FGGY: variants seen among roughly 807,000 people sequenced by gnomAD.
FGGY encodes the protein FGGY carbohydrate kinase domain containing.
A neutral mutation model predicts 71.3 loss-of-function variants in FGGY; 72 were observed. The observed-to-expected ratio is 1.01, with a 90% CI of 0.84 to 1.23. FGGY has a LOEUF of 1.23. Ranked by LOEUF, FGGY falls within the 50% of genes most tolerant of loss-of-function variation. FGGY has a pLI of 0.00. For missense variants in FGGY, 668 were observed against 682.3 expected, an observed-to-expected ratio of 0.98 and a Z score of 0.23; for synonymous variants, 251 against 250.3, an observed-to-expected ratio of 1.00 and a Z score of -0.02.
chr1:59,540,844 G>T (rs2095428801), intron 7 of FGGY, among the ~76,000 whole-genome samples: 1 of 152,106 alleles, frequency 6.6e-6, no homozygotes. Context: ...GTCAGGGTGT[G>T]TCACTTTATA....
At chr1:59,655,424 C>T (rs1337171538) in intron 11 of FGGY, among the ~76,000 whole-genome samples, 1 of 151,954 alleles carries the variant, frequency 6.6e-6, no homozygotes, top group Non-Finnish European at 1.5e-5. Flanking sequence ...GCTCTCCCTC[C>T]CCTCCACCCC....
intron 8 of FGGY, among the ~76,000 whole-genome samples, chr1:59,602,238 A>G (rs548747674): frequency 1.3e-5 from 2 of 152,334 alleles, no homozygotes; most frequent in South Asian, 4.1e-4. Flanking sequence ...TCTTCTATTT[A>G]CTAGCTATTT....
rs781713848 is a variant in FGGY at position 59,524,206 on chromosome 1, G to A, written c.799+11767G>A. Among the ~76,000 whole-genome samples, 22 of 152,334 alleles carry A rather than the reference G, an allele frequency of 1.4e-4. 1 individual carries two copies. The highest frequency in any genetic ancestry group is 6.8e-3 in the Middle Eastern group (2 of 294). ...CCAGCCAGGTGTACATGCACTTGAG[G>A]TGGTGCTGACACGCTAGCCTCCTGC... On this transcript the variant is annotated intron_variant, in intron 7 of 15. Coordinates refer to ENST00000303721, the MANE Select transcript of FGGY (RefSeq NM_018291.5).
intron 14 of FGGY, among the ~76,000 whole-genome samples, chr1:59,742,653 C>T (rs572385380): frequency 2.2e-4 from 33 of 152,346 alleles, no homozygotes; most frequent in Middle Eastern, 3.4e-3. Context: ...TCTGAACCCA[C>T]CATCTCCACC....
chr1:59,326,834 T>G (rs2047524242), intron 2 of FGGY, among the ~76,000 whole-genome samples: 1 of 152,156 alleles, frequency 6.6e-6, no homozygotes, highest in South Asian at 2.1e-4. Flanking sequence ...AACACCATAA[T>G]GAGGTGAATA....
intron 8 of FGGY, among the ~76,000 whole-genome samples, chr1:59,582,091 G>GA (rs1013784779): frequency 2.0e-5 from 3 of 148,496 alleles, no homozygotes; most frequent in Admixed American, 6.6e-5. Flanking sequence ...CTCTTAAAAA[G>GA]AAAAAAAAGC....
In FGGY at chr1:59,466,996, TA is replaced by T. The variant is rs57573793; in HGVS notation, c.670+9921del. On this transcript the variant is annotated intron_variant, in intron 6 of 15. Coordinates refer to ENST00000303721, the MANE Select transcript of FGGY (RefSeq NM_018291.5). ...ATACCATTTGACCCAGCGATTCCAT[TA>T]CTGGGTATATACCCACGGATTATAC... Among the ~76,000 whole-genome samples the T allele has an allele frequency of 5.9e-3, 899 of 152,286 alleles. 10 individuals carry two copies. Among genetic ancestry groups the T allele is most frequent in the African/African-American group, 0.021 (870 of 41,560 alleles).
chr1:59,432,322 T>C (rs1168455609), intron 5 of FGGY, among the ~76,000 whole-genome samples: 2 of 152,208 alleles, frequency 1.3e-5, no homozygotes, highest in Non-Finnish European at 2.9e-5. Context: ...TGAGCCATTA[T>C]AGCAAATTAT....
intron 14 of FGGY, among the ~76,000 whole-genome samples, chr1:59,685,808 G>A (rs752364754): frequency 6.6e-6 from 1 of 152,178 alleles, no homozygotes; most frequent in Non-Finnish European, 1.5e-5. Context: ...AGGCTGGAGC[G>A]CAGTGACATA....
intron 5 of FGGY, among the ~76,000 whole-genome samples, chr1:59,438,375 C>A (rs2068983068): frequency 1.3e-5 from 2 of 152,176 alleles, no homozygotes; most frequent in Non-Finnish European, 2.9e-5. Context: ...TTCTTTGTTT[C>A]AATATACAAC....
intron 2 of FGGY, among the ~76,000 whole-genome samples, chr1:59,338,629 T>C (rs530711056): frequency 4.9e-4 from 75 of 152,278 alleles, no homozygotes; most frequent in African/African-American, 1.7e-3. Flanking sequence ...AAGAGGATTT[T>C]TTGACTTCAC....
At chr1:59,600,226 G>A (rs1228473122) in intron 8 of FGGY, among the ~76,000 whole-genome samples, 2 of 152,154 alleles carry the variant, frequency 1.3e-5, no homozygotes, top group East Asian at 3.9e-4. Flanking sequence ...ATTTGACAGA[G>A]CACCGTGACC....
At chr1:59,392,217 G>A (rs1021056237) in intron 5 of FGGY, among the ~76,000 whole-genome samples, 8 of 152,070 alleles carry the variant, frequency 5.3e-5, no homozygotes, top group African/African-American at 1.2e-4. Flanking sequence ...TCATACTTTC[G>A]GAATATGTTA....
chr1:59,530,180 G>T (rs947634290), intron 7 of FGGY, among the ~76,000 whole-genome samples: 1 of 151,892 alleles, frequency 6.6e-6, no homozygotes, highest in African/African-American at 2.4e-5. Flanking sequence ...AAAACAAAAG[G>T]CCTCCCAAAG....
chr1:59,348,092 A>G (rs1553154294), intron 4 of FGGY, among the ~76,000 whole-genome samples: 1 of 152,162 alleles, frequency 6.6e-6, no homozygotes, highest in Non-Finnish European at 1.5e-5. Flanking sequence ...TCTACAATGA[A>G]CTCAAACAAA....
intron 4 of FGGY, among the ~76,000 whole-genome samples, chr1:59,377,677 A>G (rs1442720294): frequency 6.6e-6 from 1 of 152,072 alleles, no homozygotes; most frequent in East Asian, 1.9e-4. Context: ...TAAACTAACA[A>G]TATGACTTAC....
At chr1:59,467,903 T>G (rs1002944839) in intron 6 of FGGY, among the ~76,000 whole-genome samples, 1 of 128,610 alleles carries the variant, frequency 7.8e-6, no homozygotes, top group African/African-American at 2.6e-5. Context: ...TTTGTTTTGT[T>G]TTGTTTTGTT....
chr1:59,731,551 G>A (rs1021884292), intron 14 of FGGY, among the ~76,000 whole-genome samples: 7 of 151,690 alleles, frequency 4.6e-5, no homozygotes, highest in African/African-American at 1.2e-4. Context: ...TAGCCAGTTC[G>A]TATTCCTTTG....
chr1:59,474,899 T>C lies in FGGY; in HGVS notation c.670+17823T>C, dbSNP rs144141625. ...GTAACTTTGGGTGAGTTACTTGATC[T>C]TTCTCAGCCTCAATTAGTATATTAT... On this transcript the variant is annotated intron_variant, in intron 6 of 15. Transcript: ENST00000303721. Among the ~76,000 whole-genome samples, 6 of 152,236 alleles carry C rather than the reference T, an allele frequency of 3.9e-5. No homozygotes were observed. In the East Asian group the frequency reaches 1.2e-3, roughly 29 times the overall value.
Sources: allele counts gnomAD v4.1 joint callset (sites outside exome capture counted in the v4.1 genomes callset), GRCh38; gene constraint gnomAD v4.1.1; transcripts MANE v1.5; gene names NCBI Gene and HGNC (gene_info 2026-07-23, HGNC 2026-07-21).